The following MCPH1 variants were observed in gnomAD, a reference collection of about 807,000 sequenced individuals.
The protein encoded by MCPH1 is microcephalin.
MCPH1 carries 104 observed loss-of-function variants against 84.5 expected under a neutral mutation model. The observed-to-expected ratio is 1.23, with a 90% CI of 1.05 to 1.45. MCPH1 has a LOEUF of 1.45. MCPH1 is among the 40% of genes most tolerant of loss of function. The pLI is 0.00. For missense variants in MCPH1, 1,498 were observed against 1,005.7 expected, an observed-to-expected ratio of 1.49 and a Z score of -6.62; for synonymous variants, 514 against 366.8, an observed-to-expected ratio of 1.40 and a Z score of -4.58.
In MCPH1 at chr8:6,598,289, C is replaced by T. The variant is rs566310436; in HGVS notation, c.2215-23165C>T. On this transcript the variant is annotated intron_variant, in intron 12 of 13. Coordinates refer to ENST00000344683, the MANE Select transcript of MCPH1 (RefSeq NM_024596.5). ...TGTAGAGCAAGTTTAGGATGCAGCACATGCCAAGCTTTTCAGAGTCTCACA... is the reference window on the plus strand; with the variant it reads ...TGTAGAGCAAGTTTAGGATGCAGCATATGCCAAGCTTTTCAGAGTCTCACA... 1.1e-3 allele frequency among the ~76,000 whole-genome samples: 162 copies of T among 152,296 alleles called. 2 individuals are homozygous for T. Among genetic ancestry groups the T allele is most frequent in the Middle Eastern group, 6.8e-3 (2 of 294 alleles).
intron 12 of MCPH1, among the ~76,000 whole-genome samples, chr8:6,569,341 A>G (rs778129941): frequency 2.0e-5 from 3 of 152,178 alleles, no homozygotes; most frequent in Non-Finnish European, 4.4e-5. Flanking sequence ...TATATGTTGA[A>G]CCAGATTTGA....
intron 12 of MCPH1, chr8:6,502,051 A>T (rs1650782334): frequency 6.6e-6 from 1 of 152,070 alleles, no homozygotes; most frequent in South Asian, 2.1e-4. Context: ...CTTAAATAGA[A>T]GGCTTTTCTC....
At chr8:6,629,502 A>C (rs1039309687) in intron 13 of MCPH1, among the ~76,000 whole-genome samples, 2 of 152,170 alleles carry the variant, frequency 1.3e-5, no homozygotes, top group East Asian at 3.9e-4. Flanking sequence ...AAGAAACACC[A>C]AAGATATTTT....
intron 13 of MCPH1, chr8:6,625,183 CTATT>C (rs1831940328): frequency 1.0e-6 from 1 of 985,290 alleles, no homozygotes; most frequent in African/African-American, 1.7e-5. Context: ...CCGAAATCAC[CTATT>C]TTCTGTGGAA....
intron 13 of MCPH1, chr8:6,626,640 T>G (rs34053372): frequency 5.1e-6 from 5 of 985,058 alleles, no homozygotes; most frequent in Non-Finnish European, 6.0e-6. Flanking sequence ...TTGCTAATGG[T>G]TGCATTTTCC....
At chr8:6,433,910 G>A (rs1273331572) in intron 4 of MCPH1, among the ~76,000 whole-genome samples, 1 of 152,042 alleles carries the variant, frequency 6.6e-6, no homozygotes, top group African/African-American at 2.4e-5. Context: ...CCAGCTTGCT[G>A]TTCCTCAAGC....
At chr8:6,504,094 G>A (rs1256224774) in intron 12 of MCPH1, among the ~76,000 whole-genome samples, 2 of 152,148 alleles carry the variant, frequency 1.3e-5, no homozygotes, top group African/African-American at 2.4e-5. Flanking sequence ...CGAGGTGGGT[G>A]GATCACGAGA....
chr8:6,436,693 G>A (rs1802686605), intron 5 of MCPH1, among the ~76,000 whole-genome samples: 1 of 151,414 alleles, frequency 6.6e-6, no homozygotes, highest in Admixed American at 6.6e-5. Context: ...TTATGGGCTG[G>A]GCACAGTGGC....
At chr8:6,476,443 A>G (rs1378084918) in intron 9 of MCPH1, among the ~76,000 whole-genome samples, 10 of 151,948 alleles carry the variant, frequency 6.6e-5, no homozygotes, top group Non-Finnish European at 1.0e-4. Flanking sequence ...AAAAAAAAAA[A>G]AAGAAGAAGA....
At chr8:6,519,995 C>G in intron 12 of MCPH1, 1 of 1,612,214 alleles carries the variant, frequency 6.2e-7, no homozygotes, top group Admixed American at 1.7e-5. Flanking sequence ...TCCTTAGCTG[C>G]TTTTAAAAAA....
intron 11 of MCPH1, among the ~76,000 whole-genome samples, chr8:6,487,242 T>C (rs560496728): frequency 6.6e-6 from 1 of 152,356 alleles, no homozygotes; most frequent in Non-Finnish European, 1.5e-5. Context: ...GTTTTCTTAA[T>C]CAAAAATGAT....
chr8:6,535,773 C>T (rs910009076), intron 12 of MCPH1, among the ~76,000 whole-genome samples: 5 of 152,006 alleles, frequency 3.3e-5, no homozygotes, highest in African/African-American at 1.2e-4. Context: ...TTGAGCCAGT[C>T]GTGATGGCTC....
chr8:6,600,578 A>T (rs1466009020), intron 12 of MCPH1, among the ~76,000 whole-genome samples: 1 of 152,256 alleles, frequency 6.6e-6, no homozygotes, highest in Admixed American at 6.5e-5. Context: ...TTGTGACATC[A>T]CATCTTCCTA....
At chr8:6,536,470 C>G (rs1368158574) in intron 12 of MCPH1, among the ~76,000 whole-genome samples, 1 of 152,082 alleles carries the variant, frequency 6.6e-6, no homozygotes, top group African/African-American at 2.4e-5. Context: ...CTTCACAATG[C>G]CTTAAGAAAA....
At chr8:6,426,636 G>C (rs919661522) in intron 3 of MCPH1, among the ~76,000 whole-genome samples, 1 of 152,200 alleles carries the variant, frequency 6.6e-6, no homozygotes, top group Non-Finnish European at 1.5e-5. Flanking sequence ...AGTTACAATG[G>C]ACATTTACAT....
In MCPH1 at chr8:6,499,835, T is replaced by C; in HGVS notation, c.2137-17T>C. The C allele has an allele frequency of 6.2e-7, 1 of 1,611,156 alleles. No homozygotes were observed. The highest frequency in any genetic ancestry group is 1.1e-5 in the South Asian group (1 of 90,980). On this transcript the variant is annotated splice_polypyrimidine_tract_variant and intron_variant, in intron 11 of 13. Transcript: ENST00000344683. ...CTAATAAATGTATAATAAATCTGCT[T>C]GTTGTGTCACTTGCAGGTGCTATGG... is the stretch of plus-strand genomic sequence containing the variant.
chr8:6,505,259 G>GAA (rs1563305235), intron 12 of MCPH1, among the ~76,000 whole-genome samples: 30 of 20,384 alleles, frequency 1.5e-3, no homozygotes, highest in East Asian at 0.015. Context: ...CTTTATATAT[G>GAA]TTTTATATAT....
chr8:6,596,466 C>T (rs1480635125), intron 12 of MCPH1, among the ~76,000 whole-genome samples: 3 of 152,300 alleles, frequency 2.0e-5, no homozygotes, highest in Non-Finnish European at 4.4e-5. Context: ...TTGTGTCTAA[C>T]GTAGGTATCT....
intron 10 of MCPH1, among the ~76,000 whole-genome samples, chr8:6,479,964 T>C (rs1808976241): frequency 6.6e-6 from 1 of 152,124 alleles, no homozygotes; most frequent in Non-Finnish European, 1.5e-5. Flanking sequence ...TATGTGTTGA[T>C]ACTCAATAAA....
Sources: allele counts gnomAD v4.1 joint callset (sites outside exome capture counted in the v4.1 genomes callset), GRCh38; gene constraint gnomAD v4.1.1; transcripts MANE v1.5; gene names NCBI Gene and HGNC (gene_info 2026-07-23, HGNC 2026-07-21).